Variants in PLCG2 observed in about 807,000 individuals in gnomAD.
The protein encoded by PLCG2 is 1-phosphatidylinositol 4,5-bisphosphate phosphodiesterase gamma-2.
A neutral mutation model predicts 175.6 loss-of-function variants in PLCG2; 69 were observed. The observed-to-expected ratio is 0.39, with a 90% confidence interval of 0.32 to 0.48. The LOEUF is 0.48. Ranked by LOEUF, PLCG2 falls within the 20% of genes least tolerant of loss-of-function variation. The pLI, the probability that PLCG2 is intolerant of heterozygous loss-of-function variation, is 0.91. For missense variants in PLCG2, 1,798 were observed against 1,650.9 expected, an observed-to-expected ratio of 1.09 and a Z score of -1.54; for synonymous variants, 827 against 624.0, an observed-to-expected ratio of 1.33 and a Z score of -4.85.
At chr16:81,786,288 TG>T in intron 2 of PLCG2, 106 bp downstream of exon 2, 2 of 910,592 alleles carry the variant, frequency 2.2e-6, no homozygotes, top group Non-Finnish European at 3.3e-6. Context: ...GTTGGTTTGA[TG>T]TGTTCTTTTA....
chr16:81,874,956 T>G (rs9673861), intron 7 of PLCG2, among the ~76,000 whole-genome samples: 493 of 41,506 alleles, frequency 0.012, 14 homozygotes, highest in Non-Finnish European at 0.016. Context: ...GTGTTTTTTT[T>G]TTTTTTTTTT....
intron 26 of PLCG2, chr16:81,935,828 C>T (rs1910687223): frequency 3.0e-6 from 3 of 985,176 alleles, no homozygotes; most frequent in African/African-American, 3.5e-5. Flanking sequence ...CCAAGATCTT[C>T]TCCTACCCAA....
intron 14 of PLCG2, among the ~76,000 whole-genome samples, chr16:81,901,253 C>A (rs1349353061): frequency 6.6e-6 from 1 of 152,164 alleles, no homozygotes; most frequent in Non-Finnish European, 1.5e-5. Flanking sequence ...CTAGAAAAGG[C>A]TGAGTGCAGC....
chr16:81,787,308 G>GC (rs1911015304), intron 2 of PLCG2, among the ~76,000 whole-genome samples: 1 of 151,624 alleles, frequency 6.6e-6, no homozygotes, highest in Non-Finnish European at 1.5e-5. Context: ...TGCAGCCTCA[G>GC]CCCCCTGGGC....
intron 7 of PLCG2, among the ~76,000 whole-genome samples, chr16:81,878,217 C>T (rs1469071213): frequency 1.3e-5 from 2 of 151,840 alleles, no homozygotes; most frequent in East Asian, 3.9e-4. Flanking sequence ...ATCTCCTGAC[C>T]TAGTGATCCG....
chr16:81,881,592 T>C (rs935524388), intron 8 of PLCG2, among the ~76,000 whole-genome samples: 27 of 152,248 alleles, frequency 1.8e-4, no homozygotes, highest in African/African-American at 6.3e-4. Flanking sequence ...TCTGTCACTT[T>C]TGAAATCAGA....
chr16:81,908,238 G>T (rs149731731), intron 16 of PLCG2, among the ~76,000 whole-genome samples, 178 bp from the exon 17 acceptor site: 74 of 152,320 alleles, frequency 4.9e-4, no homozygotes, highest in Admixed American at 8.5e-4. Flanking sequence ...GGAGTGGGAG[G>T]CAGGCAGAGG....
At chr16:81,767,972 C>T (rs745969470) in intron 2 of PLCG2, 1 of 152,204 alleles carries the variant, frequency 6.6e-6, no homozygotes, top group African/African-American at 2.4e-5. Flanking sequence ...TCACTGCAAC[C>T]TCTACCTCCA....
intron 13 of PLCG2, chr16:81,897,989 C>T (rs1313906352): frequency 9.7e-6 from 4 of 410,674 alleles, no homozygotes; most frequent in African/African-American, 6.1e-5. Context: ...TCGCAGCATT[C>T]TCCCCTGTGG....
intron 2 of PLCG2, among the ~76,000 whole-genome samples, chr16:81,765,100 A>C (rs1910119232): frequency 6.6e-6 from 1 of 152,216 alleles, no homozygotes; most frequent in African/African-American, 2.4e-5. Context: ...CCCCCCACAA[A>C]AAAAATAAAT....
chr16:81,957,609 G>C (rs1488262928), intron 32 of PLCG2, among the ~76,000 whole-genome samples: 1 of 152,124 alleles, frequency 6.6e-6, no homozygotes. Context: ...GGGTTGCCAA[G>C]TGTTTCATAA....
intron 1 of PLCG2, among the ~76,000 whole-genome samples, chr16:81,745,006 T>A (rs1284640927): frequency 6.6e-6 from 1 of 152,172 alleles, no homozygotes; most frequent in Non-Finnish European, 1.5e-5. Context: ...ACCCTGGACT[T>A]TAAAAATAAT....
At position 81,938,851 on chromosome 16, in the gene PLCG2, C is replaced by T; in HGVS notation, c.3249C>T (p.Pro1083=). Residue 1083 remains proline (P), a synonymous_variant, in exon 29 of 33, where the codon CCC becomes CCT. Coordinates refer to ENST00000564138, the MANE Select transcript of PLCG2 (RefSeq NM_002661.5). The part of the protein sequence containing the change: ...LPKLGRSIAC[P]FVEVEICGAE... ...AACTTGGACGAAGTATTGCCTGTCC[C>T]TTTGTAGAAGTGGAGATCTGTGGAG... The T allele has an allele frequency of 6.2e-7, 1 of 1,613,878 alleles. No individual in the cohort carries two copies. The highest frequency in any genetic ancestry group is 1.1e-5 in the South Asian group (1 of 91,030).
intron 22 of PLCG2, among the ~76,000 whole-genome samples, chr16:81,926,164 G>A (rs1910264458): frequency 6.6e-6 from 1 of 152,232 alleles, no homozygotes; most frequent in African/African-American, 2.4e-5. Flanking sequence ...TGATAGGGAC[G>A]ACGGGCCAGC....
chr16:81,901,226 T>A (rs8051345), intron 14 of PLCG2, among the ~76,000 whole-genome samples: 14,984 of 152,122 alleles, frequency 0.098, 956 homozygotes, highest in African/African-American at 0.18. Context: ...TCCAGTTGTG[T>A]GGGAGGCGGG....
rs771514165 is a variant in PLCG2 at position 81,938,838 on chromosome 16, G to A, written c.3236G>A (p.Ser1079Asn). 2.5e-6 allele frequency: 4 copies of A among 1,613,636 alleles called. No homozygotes were observed. The highest frequency in any genetic ancestry group is 1.3e-5 in the African/African-American group (1 of 74,934). Residue 1079 changes from serine (S) to asparagine (N), a missense_variant, in exon 29 of 33, where the codon AGT becomes AAT. By Grantham distance (46) the Ser-to-Asn change is conservative. Coordinates refer to ENST00000564138, the MANE Select transcript of PLCG2 (RefSeq NM_002661.5). ...GARHLPKLGR[S>N]IACPFVEVEI... The stretch of plus-strand genomic sequence containing the variant: ...CGCCATCTCCCCAAACTTGGACGAA[G>A]TATTGCCTGTCCCTTTGTAGAAGTG...
At chr16:81,788,748 G>T (rs1016438141) in intron 2 of PLCG2, among the ~76,000 whole-genome samples, 32 of 152,228 alleles carry the variant, frequency 2.1e-4, no homozygotes, top group African/African-American at 6.5e-4. Flanking sequence ...TTGGAGCCCA[G>T]TGGGTCTCTT....
At chr16:81,762,434 TG>T (rs1476537906) in intron 2 of PLCG2, among the ~76,000 whole-genome samples, 3 of 151,986 alleles carry the variant, frequency 2.0e-5, no homozygotes, top group African/African-American at 7.2e-5. Context: ...CCTGGTGTGA[TG>T]GCATGCTCCT....
At chr16:81,827,296 A>G (rs1200915322) in intron 2 of PLCG2, among the ~76,000 whole-genome samples, 1 of 151,112 alleles carries the variant, frequency 6.6e-6, no homozygotes, top group Non-Finnish European at 1.5e-5. Flanking sequence ...AAGTGATCTT[A>G]TCTCAGTCTC....
Sources: allele counts gnomAD v4.1 joint callset (sites outside exome capture counted in the v4.1 genomes callset), GRCh38; gene constraint gnomAD v4.1.1; transcripts MANE v1.5; gene names NCBI Gene and HGNC (gene_info 2026-07-23, HGNC 2026-07-21).